DPP6: variants seen among roughly 807,000 people sequenced by gnomAD.
DPP6 encodes the protein A-type potassium channel modulatory protein DPP6.
A neutral mutation model predicts 122.6 loss-of-function variants in DPP6; 69 were observed. The ratio of observed to expected loss-of-function variants is 0.56; its 90% CI spans 0.46 to 0.69. The LOEUF (loss-of-function observed/expected upper bound fraction) is 0.69, where lower values mean the gene tolerates loss of function less well. Among genes scored for constraint, DPP6 ranks in the 30% least tolerant of loss-of-function variants. The pLI is 0.00. For synonymous variants in DPP6, 418 were observed against 433.1 expected, an observed-to-expected ratio of 0.97 and a Z score of 0.43; for missense variants, 928 against 1,116.9, an observed-to-expected ratio of 0.83 and a Z score of 2.41.
chr7:153,958,531 C>A (rs1053446628), intron 1 of DPP6, among the ~76,000 whole-genome samples: 3 of 152,060 alleles, frequency 2.0e-5, no homozygotes, highest in Non-Finnish European at 4.4e-5. Flanking sequence ...TCACCCTAGC[C>A]CCAGCTACAC....
intron 1 of DPP6, among the ~76,000 whole-genome samples, chr7:154,319,677 A>G (rs1280915280): frequency 6.6e-6 from 1 of 151,854 alleles, no homozygotes; most frequent in Non-Finnish European, 1.5e-5. Context: ...CCTGGGCAAT[A>G]GGAGTGAGAC....
At chr7:154,235,090 A>G (rs1231950418) in intron 1 of DPP6, among the ~76,000 whole-genome samples, 1 of 152,230 alleles carries the variant, frequency 6.6e-6, no homozygotes, top group Non-Finnish European at 1.5e-5. Context: ...TGTTTAGCCT[A>G]TGCACAGAAT....
intron 1 of DPP6, among the ~76,000 whole-genome samples, chr7:154,418,946 C>T (rs559023948): frequency 5.0e-4 from 76 of 152,300 alleles, no homozygotes; most frequent in African/African-American, 1.6e-3. Flanking sequence ...AGGGCTATGG[C>T]GTCAGGCACT....
At chr7:154,509,688 T>C (rs1211239955) in intron 3 of DPP6, among the ~76,000 whole-genome samples, 1 of 152,194 alleles carries the variant, frequency 6.6e-6, no homozygotes, top group Non-Finnish European at 1.5e-5. Flanking sequence ...ATGTTTGTAA[T>C]AATATTCATA....
intron 3 of DPP6, among the ~76,000 whole-genome samples, chr7:154,491,134 A>G (rs1824243786): frequency 6.6e-6 from 1 of 152,186 alleles, no homozygotes; most frequent in African/African-American, 2.4e-5. Flanking sequence ...CTTTCTTCTC[A>G]ATGGCTTCTG....
At chr7:154,081,912 G>T (rs2081428038) in intron 1 of DPP6, among the ~76,000 whole-genome samples, 1 of 152,142 alleles carries the variant, frequency 6.6e-6, no homozygotes, top group South Asian at 2.1e-4. Flanking sequence ...TTACTTTAAG[G>T]TCATTACTGA....
chr7:153,948,342 GGT>G (rs1203174337), intron 1 of DPP6, among the ~76,000 whole-genome samples: 1 of 152,100 alleles, frequency 6.6e-6, no homozygotes, highest in African/African-American at 2.4e-5. Flanking sequence ...GTTATGTACG[GGT>G]GAGAGAGAGA....
At chr7:154,290,484 C>G (rs773463193) in intron 1 of DPP6, among the ~76,000 whole-genome samples, 5 of 152,128 alleles carry the variant, frequency 3.3e-5, no homozygotes, top group Non-Finnish European at 7.4e-5. Flanking sequence ...CTGCCACCCC[C>G]CTGCCTTGCA....
At chr7:154,236,528 C>A (rs1801223729) in intron 1 of DPP6, among the ~76,000 whole-genome samples, 3 of 152,122 alleles carry the variant, frequency 2.0e-5, no homozygotes, top group African/African-American at 7.2e-5. Context: ...ATGAAAGATT[C>A]TCTTCATTCT....
intron 1 of DPP6, among the ~76,000 whole-genome samples, chr7:154,370,575 G>C (rs116840953): frequency 6.6e-6 from 1 of 152,252 alleles, no homozygotes; most frequent in South Asian, 2.1e-4. Flanking sequence ...TGTCCTGTTT[G>C]TATAACCTTT....
chr7:154,532,115 AC>A (rs1385553849), intron 3 of DPP6, among the ~76,000 whole-genome samples: 1 of 152,108 alleles, frequency 6.6e-6, no homozygotes, highest in Non-Finnish European at 1.5e-5. Flanking sequence ...CATAAAAATG[AC>A]GTTTCAAAAG....
At chr7:153,765,926 G>T in the DPP6 span, among the ~76,000 whole-genome samples, 1 of 152,128 alleles carries the variant, frequency 6.6e-6, no homozygotes, top group Non-Finnish European at 1.5e-5. Context: ...AAACCATCTT[G>T]GTGTTCTTGT....
intron 1 of DPP6, among the ~76,000 whole-genome samples, chr7:154,400,608 G>A (rs1287247175): frequency 1.3e-5 from 2 of 152,204 alleles, no homozygotes; most frequent in Non-Finnish European, 2.9e-5. Context: ...CCCATTAGTA[G>A]CTGATATGAG....
intron 1 of DPP6, among the ~76,000 whole-genome samples, chr7:154,063,794 A>G (rs1802475533): frequency 6.6e-6 from 1 of 151,700 alleles, no homozygotes; most frequent in South Asian, 2.1e-4. Context: ...AGGACTGTGG[A>G]TATTAGGTGT....
chr7:154,294,040 G>T (rs1002611500), intron 1 of DPP6, among the ~76,000 whole-genome samples: 1 of 151,964 alleles, frequency 6.6e-6, no homozygotes, highest in Non-Finnish European at 1.5e-5. Flanking sequence ...CATTAACTTT[G>T]GTGCACATAG....
intron 16 of DPP6, among the ~76,000 whole-genome samples, chr7:154,826,931 C>T (rs1374322615): frequency 6.6e-6 from 1 of 152,116 alleles, no homozygotes; most frequent in Non-Finnish European, 1.5e-5. Context: ...ACTTTAAACA[C>T]ATTTTTAAAG....
chr7:154,612,973 T>C (rs1361611617), intron 5 of DPP6, among the ~76,000 whole-genome samples: 2 of 152,224 alleles, frequency 1.3e-5, no homozygotes, highest in African/African-American at 4.8e-5. Flanking sequence ...ATGGTCCATT[T>C]CTGGTGAGGT....
the DPP6 span, among the ~76,000 whole-genome samples, chr7:153,751,862 T>C: frequency 6.6e-6 from 1 of 150,816 alleles, no homozygotes; most frequent in Non-Finnish European, 1.5e-5. Flanking sequence ...TTGGATTGAG[T>C]TTCTTTGCTT....
intron 16 of DPP6, among the ~76,000 whole-genome samples, chr7:154,817,956 G>A (rs1313672275): frequency 6.6e-6 from 1 of 152,182 alleles, no homozygotes; most frequent in African/African-American, 2.4e-5. Flanking sequence ...CATCTATGAT[G>A]TTTGGTGTAA....
Sources: gnomAD v4.1 joint callset for allele counts (sites outside exome capture counted in the v4.1 genomes callset) on GRCh38, gnomAD v4.1.1 for gene constraint, MANE v1.5 for transcripts, NCBI Gene and HGNC (gene_info 2026-07-23, HGNC 2026-07-21) for gene names.